Variants in COPG2 observed in about 807,000 individuals in gnomAD.
COPG2 encodes the protein coatomer subunit gamma-2.
Under a neutral mutation model 46.3 loss-of-function variants are expected in COPG2, and 37 were observed. The observed-to-expected ratio is 0.80, with a 90% confidence interval of 0.61 to 1.05. COPG2 has a LOEUF of 1.05. COPG2 is among the 50% of genes least tolerant of loss of function. COPG2 has a pLI of 0.00. For missense variants in COPG2, 427 were observed against 387.8 expected (o/e 1.10, Z -0.85); for synonymous variants, 159 against 129.7 (o/e 1.23, Z -1.53).
At chr7:130,625,735 AT>A (rs1357074592) in intron 5 of COPG2, among the ~76,000 whole-genome samples, 2 of 151,324 alleles carry the variant, frequency 1.3e-5, no homozygotes, top group African/African-American at 4.9e-5. Flanking sequence ...CAAAAATAGG[AT>A]TTTGATTTAA....
chr7:130,605,347 T>C (rs1337954248), intron 9 of COPG2: 24 of 487,140 alleles, frequency 4.9e-5, no homozygotes, highest in Admixed American at 4.8e-4. Context: ...AACTGATGAA[T>C]ATGTTACGTT....
chr7:130,663,589 T>A (rs1796018905), intron 3 of COPG2, among the ~76,000 whole-genome samples: 1 of 152,256 alleles, frequency 6.6e-6, no homozygotes, highest in Middle Eastern at 3.4e-3. Flanking sequence ...AGCTCAATAT[T>A]GGTTCAAGCC....
At chr7:130,654,113 A>C (rs1554459550) in intron 4 of COPG2, among the ~76,000 whole-genome samples, 1 of 152,250 alleles carries the variant, frequency 6.6e-6, no homozygotes. Flanking sequence ...CACGTTTCAG[A>C]AACTACCTCA....
chr7:130,531,967 C>T (rs909324101), intron 20 of COPG2, among the ~76,000 whole-genome samples: 1 of 152,136 alleles, frequency 6.6e-6, no homozygotes, highest in African/African-American at 2.4e-5. Flanking sequence ...CTAAAATGAA[C>T]GCAGACAATA....
At position 130,561,226 on chromosome 7, in the gene COPG2, T is replaced by C; in HGVS notation, c.940-5A>G. On this transcript the variant is annotated splice_polypyrimidine_tract_variant and splice_region_variant and intron_variant, in intron 11 of 23. Transcript: ENST00000425248. ...AGAGGGGTGCTTCATTGCCACCTTG[T>C]GGAAGGGCAAGAAAAAAAATTAAGC... is the stretch of plus-strand genomic sequence containing the variant. The C allele has an allele frequency of 5.0e-6, 2 of 398,490 alleles. No individual in the cohort carries two copies. Among genetic ancestry groups the C allele is most frequent in the Non-Finnish European group, 8.8e-6 (2 of 226,034 alleles). The allele number at this position is 398,490 out of a possible 1,614,324, so 24.7% of individuals were successfully genotyped here.
intron 20 of COPG2, among the ~76,000 whole-genome samples, chr7:130,515,571 AG>A (rs1799671965): frequency 2.0e-5 from 3 of 152,228 alleles, no homozygotes; most frequent in Admixed American, 6.5e-5. Context: ...AACCAGCTGC[AG>A]TTGGAGAACC....
intron 2 of COPG2, among the ~76,000 whole-genome samples, chr7:130,667,164 A>C (rs1386321015): frequency 6.6e-6 from 1 of 152,210 alleles, no homozygotes; most frequent in Non-Finnish European, 1.5e-5. Flanking sequence ...CAGTTAAATA[A>C]GGATCACAAT....
chr7:130,642,471 T>C (rs782800452), intron 5 of COPG2, among the ~76,000 whole-genome samples: 3 of 152,234 alleles, frequency 2.0e-5, no homozygotes, highest in Non-Finnish European at 4.4e-5. Flanking sequence ...GGGGCTGTTC[T>C]TGGAGTTTAT....
At chr7:130,640,999 A>T (rs1795453028) in intron 5 of COPG2, among the ~76,000 whole-genome samples, 1 of 152,026 alleles carries the variant, frequency 6.6e-6, no homozygotes, top group Admixed American at 6.6e-5. Context: ...ATTATAGTAC[A>T]ATATATTAAA....
intron 8 of COPG2, 147 bp downstream of exon 8, chr7:130,612,005 G>A: frequency 1.6e-6 from 1 of 635,128 alleles, no homozygotes; most frequent in South Asian, 1.8e-5. Flanking sequence ...ATCATAATTA[G>A]TGAGATTCCT....
At chr7:130,526,782 A>G (rs1364852067) in intron 20 of COPG2, among the ~76,000 whole-genome samples, 1 of 141,130 alleles carries the variant, frequency 7.1e-6, no homozygotes, top group Non-Finnish European at 1.5e-5. Context: ...AAAGGTGTGA[A>G]TCTTGGGCCA....
intron 9 of COPG2, among the ~76,000 whole-genome samples, chr7:130,594,620 G>A (rs970969175): frequency 6.6e-6 from 1 of 152,208 alleles, no homozygotes; most frequent in East Asian, 1.9e-4. Context: ...ATCTGATAAG[G>A]GTTTAGTATC....
At chr7:130,584,982 T>TGGAACCAAAAA (rs575149706) in intron 9 of COPG2, among the ~76,000 whole-genome samples, 108 of 151,956 alleles carry the variant, frequency 7.1e-4, no homozygotes, top group Admixed American at 7.2e-4. Flanking sequence ...AAAATTCATA[T>TGGAACCAAAAA]GGAACCAAAA....
intron 9 of COPG2, among the ~76,000 whole-genome samples, chr7:130,595,183 T>C (rs183763898): frequency 9.8e-5 from 15 of 152,306 alleles, no homozygotes; most frequent in Admixed American, 3.9e-4. Context: ...TATTCAGCCA[T>C]AAAGAGAAGT....
At chr7:130,639,128 C>T (rs1421605148) in intron 5 of COPG2, among the ~76,000 whole-genome samples, 1 of 152,230 alleles carries the variant, frequency 6.6e-6, no homozygotes, top group Non-Finnish European at 1.5e-5. Context: ...CACCCGCCTT[C>T]CACGTTGATC....
chr7:130,601,161 G>GA (rs1198577048), intron 9 of COPG2, among the ~76,000 whole-genome samples: 2 of 152,164 alleles, frequency 1.3e-5, no homozygotes, highest in Non-Finnish European at 2.9e-5. Flanking sequence ...AAAAAGTCAG[G>GA]AAACAACAGA....
chr7:130,526,325 A>G (rs977632704), intron 20 of COPG2, among the ~76,000 whole-genome samples: 34 of 152,276 alleles, frequency 2.2e-4, no homozygotes, highest in Non-Finnish European at 3.4e-4. Context: ...GCACATCCCT[A>G]TGGAGAAGAG....
chr7:130,642,484 G>A (rs553110393), intron 5 of COPG2, among the ~76,000 whole-genome samples: 11 of 152,196 alleles, frequency 7.2e-5, no homozygotes, highest in Admixed American at 1.3e-4. Flanking sequence ...GAGTTTATAC[G>A]AAGAGAATCA....
intron 3 of COPG2, among the ~76,000 whole-genome samples, chr7:130,665,608 G>C (rs1796061289): frequency 6.6e-6 from 1 of 151,982 alleles, no homozygotes; most frequent in Non-Finnish European, 1.5e-5. Context: ...AGAGATTATA[G>C]TCTAAGTATT....
Sources: gnomAD v4.1 joint callset for allele counts (sites outside exome capture counted in the v4.1 genomes callset) on GRCh38, gnomAD v4.1.1 for gene constraint, MANE v1.5 for transcripts, NCBI Gene and HGNC (gene_info 2026-07-23, HGNC 2026-07-21) for gene names.